RFX3: variants seen among roughly 807,000 people sequenced by gnomAD.
RFX3 encodes the protein transcription factor RFX3.
In RFX3, 14 loss-of-function variants were observed where a neutral mutation model predicts 98.6. The observed-to-expected ratio is 0.14, with a 90% CI of 0.09 to 0.22. RFX3 has a LOEUF of 0.22. RFX3 is among the 10% of genes least tolerant of loss of function. The probability of loss-of-function intolerance (pLI) is 1.00; values close to 1 mark genes in which losing one functional copy is unlikely to be tolerated. For synonymous variants in RFX3, 383 were observed against 328.4 expected (o/e 1.17, Z -1.80); for missense variants, 639 against 926.9 (o/e 0.69, Z 4.03).
intron 15 of RFX3, chr9:3,247,724 T>C (rs1299853199): frequency 5.2e-6 from 8 of 1,525,932 alleles, no homozygotes; most frequent in Non-Finnish European, 7.0e-6. Context: ...CCAATCTTTT[T>C]CCCACTTAAA....
At chr9:3,282,397 C>T (rs1411862096) in intron 7 of RFX3, among the ~76,000 whole-genome samples, 1 of 151,664 alleles carries the variant, frequency 6.6e-6, no homozygotes, top group Non-Finnish European at 1.5e-5. Flanking sequence ...TCTTCATTAG[C>T]TTTACATCTA....
intron 4 of RFX3, among the ~76,000 whole-genome samples, chr9:3,317,716 G>C (rs962432800): frequency 6.6e-6 from 1 of 152,188 alleles, no homozygotes; most frequent in African/African-American, 2.4e-5. Flanking sequence ...CAAAGGATAT[G>C]AACAGACACT....
rs149222631 is a variant in RFX3, at chr9:3,413,239, T to C, written c.-8-17643A>G. Among the ~76,000 whole-genome samples, 119 of 152,182 alleles carry C rather than the reference T, an allele frequency of 7.8e-4. 1 individual carries two copies. In the East Asian group the frequency reaches 0.012, roughly 15 times the overall value. On this transcript the variant is annotated intron_variant, in intron 1 of 16. Transcript: ENST00000617270. ...CCTAAGAAAATATTAAAATACTTGT[T>C]AAAGCATACTGTAATGTATACCAAG...
At chr9:3,296,222 T>TTA (rs1008557695) in intron 5 of RFX3, among the ~76,000 whole-genome samples, 37 of 151,460 alleles carry the variant, frequency 2.4e-4, no homozygotes, top group South Asian at 1.7e-3. Context: ...ATTTACATTT[T>TTA]TATATATATA....
intron 1 of RFX3, among the ~76,000 whole-genome samples, chr9:3,425,747 T>C (rs985129061): frequency 2.6e-5 from 4 of 152,252 alleles, no homozygotes; most frequent in African/African-American, 9.6e-5. Flanking sequence ...CCCATTTTCA[T>C]GCTCTTCACC....
At chr9:3,335,370 T>C (rs981834791) in intron 3 of RFX3, among the ~76,000 whole-genome samples, 1 of 152,158 alleles carries the variant, frequency 6.6e-6, no homozygotes, top group African/African-American at 2.4e-5. Context: ...GTACTAGAAA[T>C]AGACTCTCTA....
At chr9:3,250,560 T>C (rs924971950) in intron 14 of RFX3, among the ~76,000 whole-genome samples, 46 of 152,194 alleles carry the variant, frequency 3.0e-4, no homozygotes, top group African/African-American at 1.1e-3. Context: ...TTTGTCAAAA[T>C]TTAAAAGGTC....
chr9:3,288,402 T>C (rs1004233062), intron 6 of RFX3, 152 bp from the exon 7 acceptor site: 2 of 619,040 alleles, frequency 3.2e-6, no homozygotes, highest in African/African-American at 1.8e-5. Context: ...TGAATACTTT[T>C]ATGTTTTTAT....
intron 2 of RFX3, among the ~76,000 whole-genome samples, chr9:3,378,614 T>C (rs1006810495): frequency 1.3e-5 from 2 of 148,248 alleles, no homozygotes; most frequent in African/African-American, 5.0e-5. Context: ...TAGAGTGCAA[T>C]GGTGCAATCT....
intron 14 of RFX3, among the ~76,000 whole-genome samples, chr9:3,253,429 A>G (rs1295175960): frequency 6.6e-6 from 1 of 152,226 alleles, no homozygotes; most frequent in Non-Finnish European, 1.5e-5. Context: ...ACTCTTTAAA[A>G]ATGGGATATC....
intron 1 of RFX3, among the ~76,000 whole-genome samples, chr9:3,516,394 C>A (rs1446590043): frequency 6.6e-6 from 1 of 152,132 alleles, no homozygotes; most frequent in Admixed American, 6.6e-5. Flanking sequence ...ACTTCTTAAA[C>A]AAAAGACTAT....
At chr9:3,354,076 T>C (rs1014860123) in intron 2 of RFX3, among the ~76,000 whole-genome samples, 3 of 151,980 alleles carry the variant, frequency 2.0e-5, no homozygotes, top group East Asian at 1.9e-4. Flanking sequence ...TGAAAATGTA[T>C]ACCACTTAAA....
intron 2 of RFX3, among the ~76,000 whole-genome samples, chr9:3,347,155 T>C (rs1023130834): frequency 6.6e-6 from 1 of 151,950 alleles, no homozygotes; most frequent in Admixed American, 6.6e-5. Context: ...ACCCCGTCTT[T>C]ACTAAAATAC....
intron 1 of RFX3, among the ~76,000 whole-genome samples, chr9:3,465,849 T>G (rs186681886): frequency 6.6e-6 from 1 of 151,894 alleles, no homozygotes; most frequent in Non-Finnish European, 1.5e-5. Context: ...TCAAAGGAGA[T>G]AGGGGAACTT....
At chr9:3,444,490 A>G (rs186719883) in intron 1 of RFX3, among the ~76,000 whole-genome samples, 11 of 152,288 alleles carry the variant, frequency 7.2e-5, no homozygotes, top group Admixed American at 7.2e-4. Context: ...GATAGTATAT[A>G]CACTATCTTG....
chr9:3,300,663 TG>T (rs1002318929), intron 5 of RFX3, among the ~76,000 whole-genome samples: 9 of 151,888 alleles, frequency 5.9e-5, no homozygotes, highest in Non-Finnish European at 1.3e-4. Context: ...TTGTCAGTTG[TG>T]GGAGAAAATT....
intron 2 of RFX3, among the ~76,000 whole-genome samples, chr9:3,359,782 T>C (rs753611978): frequency 6.6e-6 from 1 of 152,166 alleles, no homozygotes; most frequent in Admixed American, 6.6e-5. Flanking sequence ...TGAACTGATA[T>C]GATCACTTTT....
chr9:3,298,404 T>C (rs1176340157), intron 5 of RFX3, among the ~76,000 whole-genome samples: 1 of 151,840 alleles, frequency 6.6e-6, no homozygotes, highest in African/African-American at 2.4e-5. Context: ...GTACACATGA[T>C]TGGCAAAGGC....
At chr9:3,488,044 G>C (rs1850421338) in intron 1 of RFX3, among the ~76,000 whole-genome samples, 1 of 152,066 alleles carries the variant, frequency 6.6e-6, no homozygotes, top group African/African-American at 2.4e-5. Context: ...TGTTCTATAG[G>C]CTAGGCAATA....
Sources: allele counts gnomAD v4.1 joint callset (sites outside exome capture counted in the v4.1 genomes callset), GRCh38; gene constraint gnomAD v4.1.1; transcripts MANE v1.5; gene names NCBI Gene and HGNC (gene_info 2026-07-23, HGNC 2026-07-21).